SLC6A6: variants seen among roughly 807,000 people sequenced by gnomAD.
SLC6A6 encodes the protein sodium- and chloride-dependent taurine transporter.
SLC6A6 carries 16 observed loss-of-function variants against 68.8 expected under a neutral mutation model. The observed-to-expected ratio is 0.23, with a 90% CI of 0.16 to 0.35. The LOEUF is 0.35. Among genes scored for constraint, SLC6A6 ranks in the 10% least tolerant of loss-of-function variants. SLC6A6 has a pLI of 1.00. For synonymous variants in SLC6A6, 312 were observed against 315.4 expected (o/e 0.99, Z 0.12); for missense variants, 474 against 802.8 (o/e 0.59, Z 4.95).
intron 2 of SLC6A6, among the ~76,000 whole-genome samples, chr3:14,442,573 G>A (rs1198186480): frequency 6.6e-6 from 1 of 152,184 alleles, no homozygotes; most frequent in African/African-American, 2.4e-5. Flanking sequence ...CTGCACAGAC[G>A]GCCACACTGG....
Position 14,483,027 on chromosome 3 carries a change from T to A in SLC6A6, c.1722+1186T>A, listed in dbSNP as rs1460223692. Among the ~76,000 whole-genome samples the A allele has an allele frequency of 2.6e-5, 4 of 151,936 alleles. 1 individual carries two copies. The highest frequency in any genetic ancestry group is 2.6e-4 in the Admixed American group (4 of 15,270). On this transcript the variant is annotated intron_variant, in intron 14 of 14. Transcript: ENST00000622186. ...GCAAGGGGTCTCTAAAGGTTCTGAT[T>A]GGTCTAGGGGTCTCTGCTCTGATTG...
At chr3:14,440,248 G>T (rs1306442123) in intron 2 of SLC6A6, among the ~76,000 whole-genome samples, 1 of 152,084 alleles carries the variant, frequency 6.6e-6, no homozygotes, top group African/African-American at 2.4e-5. Context: ...ACCTGTTTGG[G>T]GAAGTGACTT....
chr3:14,405,314 C>T (rs576414117), intron 1 of SLC6A6, among the ~76,000 whole-genome samples: 145 of 152,286 alleles, frequency 9.5e-4, no homozygotes, highest in Middle Eastern at 6.8e-3. Context: ...CAAGGCAGTC[C>T]GGGCTCTGGG....
At chr3:14,428,896 C>G (rs1699660842) in intron 2 of SLC6A6, among the ~76,000 whole-genome samples, 1 of 152,192 alleles carries the variant, frequency 6.6e-6, no homozygotes, top group Non-Finnish European at 1.5e-5. Context: ...TGCTGGGTGA[C>G]AGTGAGGGGA....
At position 14,478,468 on chromosome 3, in the gene SLC6A6, T is replaced by A. The variant is rs1700933818; in HGVS notation, c.1350T>A (p.Gly450=). Residue 450 remains glycine (G), a splice_region_variant and synonymous_variant, in exon 12 of 15, where the codon GGT becomes GGA. Coordinates refer to ENST00000622186, the MANE Select transcript of SLC6A6 (RefSeq NM_003043.6). ...YLLGLTMVTE[G]GMYVFQLFDY... Reference sequence around the variant, plus strand: ...TTCTGTGGTTTTTTTCTTCACAGGGTGGCATGTATGTGTTTCAGCTCTTTG... The same window carrying A: ...TTCTGTGGTTTTTTTCTTCACAGGGAGGCATGTATGTGTTTCAGCTCTTTG... The A allele has an allele frequency of 1.2e-6, 2 of 1,606,458 alleles. No individual in the cohort carries two copies. The highest frequency in any genetic ancestry group is 1.3e-5 in the African/African-American group (1 of 74,848).
intron 11 of SLC6A6, among the ~76,000 whole-genome samples, chr3:14,478,264 C>T (rs549609539): frequency 6.6e-6 from 1 of 152,270 alleles, no homozygotes; most frequent in South Asian, 2.1e-4. Flanking sequence ...ATTTTGCTTT[C>T]ATTTATCTGT....
At chr3:14,478,857 C>CT in intron 12 of SLC6A6, 1 of 593,672 alleles carries the variant, frequency 1.7e-6, no homozygotes, top group East Asian at 2.8e-5. Context: ...TGGGCTGTGC[C>CT]TAAGATTGCA....
intron 12 of SLC6A6, 107 bp from the exon 13 acceptor site, chr3:14,478,978 G>T (rs990078538): frequency 4.2e-6 from 3 of 715,522 alleles, no homozygotes; most frequent in Admixed American, 2.1e-5. Context: ...TCCATGGTGT[G>T]GAGATGCAGA....
chr3:14,420,773 C>G (rs150737778), intron 2 of SLC6A6, among the ~76,000 whole-genome samples: 1 of 152,130 alleles, frequency 6.6e-6, no homozygotes, highest in African/African-American at 2.4e-5. Flanking sequence ...CATGAGCCAC[C>G]GCGCCCAGCC....
intron 5 of SLC6A6, among the ~76,000 whole-genome samples, chr3:14,452,373 C>G (rs192999009): frequency 0.015 from 2,211 of 152,326 alleles, 22 homozygotes; most frequent in Non-Finnish European, 0.022. Context: ...ATGTGCTTTG[C>G]AGGGGGCCAC....
At chr3:14,428,743 T>C (rs1699656534) in intron 2 of SLC6A6, among the ~76,000 whole-genome samples, 1 of 152,190 alleles carries the variant, frequency 6.6e-6, no homozygotes, top group Admixed American at 6.5e-5. Context: ...AGCCTCACCT[T>C]GGTCAAGCAA....
intron 3 of SLC6A6, chr3:14,444,245 A>C: frequency 5.0e-6 from 1 of 200,716 alleles, no homozygotes; most frequent in Non-Finnish European, 1.0e-5. Context: ...CTTTCCTTTA[A>C]TATTCATGTT....
chr3:14,484,036 A>G (rs1231016494), intron 14 of SLC6A6, among the ~76,000 whole-genome samples: 1 of 152,162 alleles, frequency 6.6e-6, no homozygotes, highest in Non-Finnish European at 1.5e-5. Context: ...GTTGAATATA[A>G]ATGCCTAGAA....
chr3:14,468,570 C>T lies in SLC6A6; in HGVS notation c.1096+358C>T, dbSNP rs572768088. On this transcript the variant is annotated intron_variant, in intron 9 of 14. Coordinates refer to ENST00000622186, the MANE Select transcript of SLC6A6 (RefSeq NM_003043.6). The surrounding 1 kb of genome is among the most constrained non-coding windows in gnomAD (Gnocchi z 4.5). Reference sequence around the variant, plus strand: ...ACTCAGGCCCAAGTCAGCCACCAATCGGCATTCCATCACCACCTTCTCAGC... The same window carrying T: ...ACTCAGGCCCAAGTCAGCCACCAATTGGCATTCCATCACCACCTTCTCAGC... Among the ~76,000 whole-genome samples, 2 of 152,148 alleles carry T rather than the reference C, an allele frequency of 1.3e-5. No individual in the cohort carries two copies. Among genetic ancestry groups the T allele is most frequent in the South Asian group, 2.1e-4 (1 of 4,810 alleles).
At chr3:14,414,829 G>A (rs1439455184) in intron 1 of SLC6A6, among the ~76,000 whole-genome samples, 1 of 152,182 alleles carries the variant, frequency 6.6e-6, no homozygotes, top group Non-Finnish European at 1.5e-5. Context: ...CTAGCCTTTA[G>A]TGCCATTCTT....
chr3:14,469,806 C>A (rs185554974), intron 9 of SLC6A6, among the ~76,000 whole-genome samples: 255 of 152,258 alleles, frequency 1.7e-3, no homozygotes, highest in Middle Eastern at 6.8e-3. Context: ...CATCCTGAGA[C>A]CCCTGACAAC....
At chr3:14,434,556 G>C (rs1267577562) in intron 2 of SLC6A6, among the ~76,000 whole-genome samples, 1 of 152,210 alleles carries the variant, frequency 6.6e-6, no homozygotes, top group Non-Finnish European at 1.5e-5. Context: ...TCAAACCTTT[G>C]TTCTAACCCT....
In SLC6A6 at chr3:14,468,502, C is replaced by A. The variant is rs954530905; in HGVS notation, c.1096+290C>A. On this transcript the variant is annotated intron_variant, in intron 9 of 14. Transcript: ENST00000622186. This position sits in a 1 kb window ranked among gnomAD's most constrained non-coding sequence, Gnocchi z 4.5. Reference sequence around the variant, plus strand: ...TGGTCTTCCCCGCCCCCCCGTCCTTCCCCAGCAAACTCCTGGTTTCCACAA... The same window carrying A: ...TGGTCTTCCCCGCCCCCCCGTCCTTACCCAGCAAACTCCTGGTTTCCACAA... 5.9e-5 allele frequency among the ~76,000 whole-genome samples: 9 copies of A among 151,934 alleles called. No individual in the cohort carries two copies. Among genetic ancestry groups the A allele is most frequent in the African/African-American group, 2.2e-4 (9 of 41,346 alleles).
intron 1 of SLC6A6, among the ~76,000 whole-genome samples, chr3:14,405,119 CG>C (rs1423100579): frequency 2.6e-5 from 4 of 152,158 alleles, no homozygotes; most frequent in Non-Finnish European, 5.9e-5. Flanking sequence ...CTGATATCCT[CG>C]GGAGTTGAAA....
Sources: allele counts gnomAD v4.1 joint callset (sites outside exome capture counted in the v4.1 genomes callset), GRCh38; gene constraint gnomAD v4.1.1; non-coding constraint Gnocchi (gnomAD v3.1); transcripts MANE v1.5; gene names NCBI Gene and HGNC (gene_info 2026-07-23, HGNC 2026-07-21).